GPC6: variants seen among roughly 807,000 people sequenced by gnomAD.
The protein encoded by GPC6 is glypican 6.
A neutral mutation model predicts 55.2 loss-of-function variants in GPC6; 14 were observed. The ratio of observed to expected loss-of-function variants is 0.25; its 90% confidence interval spans 0.17 to 0.40. GPC6 has a LOEUF of 0.40. GPC6 is among the 10% of genes least tolerant of loss of function. The pLI is 1.00. For synonymous variants in GPC6, 278 were observed against 259.6 expected (o/e 1.07, Z -0.68); for missense variants, 641 against 708.5 (o/e 0.90, Z 1.08).
intron 1 of GPC6, among the ~76,000 whole-genome samples, chr13:93,298,699 C>T (rs563764199): frequency 1.5e-4 from 23 of 152,046 alleles, no homozygotes; most frequent in African/African-American, 5.5e-4. Context: ...TGGCCCGCCT[C>T]AGCCTCCCAA....
intron 3 of GPC6, among the ~76,000 whole-genome samples, chr13:93,920,972 A>G (rs1236341355): frequency 6.6e-6 from 1 of 152,204 alleles, no homozygotes; most frequent in Non-Finnish European, 1.5e-5. Context: ...ATAGTTTCCA[A>G]TGCAGCCCAC....
intron 1 of GPC6, among the ~76,000 whole-genome samples, chr13:93,544,092 T>A (rs747022391): frequency 5.3e-5 from 8 of 152,070 alleles, no homozygotes; most frequent in Non-Finnish European, 1.2e-4. Flanking sequence ...GTTGTAATTG[T>A]TGGACATTTG....
intron 1 of GPC6, among the ~76,000 whole-genome samples, chr13:93,314,760 C>T (rs538186571): frequency 0.021 from 2,351 of 112,226 alleles, 65 homozygotes; most frequent in African/African-American, 0.076. Flanking sequence ...TGTGTGTGCA[C>T]GCATGTGCTG....
At chr13:93,527,847 A>G (rs995028245) in intron 1 of GPC6, among the ~76,000 whole-genome samples, 2 of 152,108 alleles carry the variant, frequency 1.3e-5, no homozygotes, top group Non-Finnish European at 2.9e-5. Context: ...GTTAGATATT[A>G]TGGAGTTCCA....
chr13:94,342,493 T>G (rs1367891055), intron 6 of GPC6, among the ~76,000 whole-genome samples: 1 of 152,110 alleles, frequency 6.6e-6, no homozygotes, highest in African/African-American at 2.4e-5. Context: ...AGCCACCAGA[T>G]GTTAGGAGAG....
At chr13:93,679,379 A>G (rs1281176928) in intron 2 of GPC6, among the ~76,000 whole-genome samples, 2 of 152,186 alleles carry the variant, frequency 1.3e-5, no homozygotes, top group Admixed American at 6.5e-5. Context: ...TACGCACCTG[A>G]ATGTAACTAA....
At chr13:94,044,110 A>C (rs1353175925) in intron 4 of GPC6, among the ~76,000 whole-genome samples, 1 of 151,778 alleles carries the variant, frequency 6.6e-6, no homozygotes, top group East Asian at 1.9e-4. Context: ...TATCCATACT[A>C]ACTTAGGGCC....
chr13:93,662,304 C>G (rs183606011), intron 2 of GPC6, among the ~76,000 whole-genome samples: 1 of 151,966 alleles, frequency 6.6e-6, no homozygotes, highest in Non-Finnish European at 1.5e-5. Flanking sequence ...AGGTAGGGAG[C>G]GGGGAGGAAA....
At chr13:93,460,192 A>G (rs1594185434) in intron 1 of GPC6, among the ~76,000 whole-genome samples, 1 of 152,158 alleles carries the variant, frequency 6.6e-6, no homozygotes, top group Admixed American at 6.5e-5. Flanking sequence ...TGTCACTGTG[A>G]TGGATTTCCT....
At chr13:94,360,663 A>G (rs1321148935) in intron 6 of GPC6, among the ~76,000 whole-genome samples, 2 of 152,182 alleles carry the variant, frequency 1.3e-5, no homozygotes, top group African/African-American at 4.8e-5. Flanking sequence ...ATTAGCATGG[A>G]CTGATAATTC....
At chr13:93,992,811 T>C (rs1186023780) in intron 3 of GPC6, among the ~76,000 whole-genome samples, 4 of 152,186 alleles carry the variant, frequency 2.6e-5, no homozygotes, top group Admixed American at 2.0e-4. Context: ...AAGGACGGTG[T>C]ATAGAAAATT....
intron 2 of GPC6, among the ~76,000 whole-genome samples, chr13:93,637,464 G>A (rs1290211646): frequency 6.6e-6 from 1 of 151,816 alleles, no homozygotes; most frequent in Non-Finnish European, 1.5e-5. Flanking sequence ...CTGGGATGTA[G>A]GTCTTTTGAA....
intron 6 of GPC6, among the ~76,000 whole-genome samples, chr13:94,341,473 C>T (rs141038287): frequency 1.3e-4 from 19 of 151,988 alleles, no homozygotes; most frequent in African/African-American, 3.9e-4. Flanking sequence ...GTAATCCCAG[C>T]TCCTTGGGAG....
chr13:94,198,937 C>T (rs989558387), intron 4 of GPC6, among the ~76,000 whole-genome samples: 5 of 152,038 alleles, frequency 3.3e-5, no homozygotes, highest in African/African-American at 1.2e-4. Context: ...TAAAATTCAC[C>T]ACCACCGACA....
chr13:93,392,568 C>T (rs1875672237), intron 1 of GPC6, among the ~76,000 whole-genome samples: 1 of 152,178 alleles, frequency 6.6e-6, no homozygotes, highest in East Asian at 1.9e-4. Context: ...CCAAAGGACC[C>T]TTAGCTTCTA....
At chr13:94,248,622 T>C (rs1306388467) in intron 4 of GPC6, among the ~76,000 whole-genome samples, 1 of 151,780 alleles carries the variant, frequency 6.6e-6, no homozygotes, top group Non-Finnish European at 1.5e-5. Context: ...GACCCTCTAG[T>C]CACCAAAAAA....
intron 4 of GPC6, among the ~76,000 whole-genome samples, chr13:94,249,456 A>G (rs533765291): frequency 1.3e-5 from 1 of 74,624 alleles, no homozygotes; most frequent in East Asian, 3.0e-4. Context: ...ATCTGTGCTT[A>G]TTTGTATGAC....
At chr13:93,979,862 A>G (rs138038021) in intron 3 of GPC6, among the ~76,000 whole-genome samples, 60 of 152,262 alleles carry the variant, frequency 3.9e-4, no homozygotes, top group African/African-American at 1.4e-3. Flanking sequence ...GCCAAGTTGT[A>G]TAGACCAGAC....
At chr13:93,890,832 T>C (rs1411864066) in intron 3 of GPC6, among the ~76,000 whole-genome samples, 1 of 151,522 alleles carries the variant, frequency 6.6e-6, no homozygotes, top group Non-Finnish European at 1.5e-5. Flanking sequence ...GTGCTAATAA[T>C]GGAGACTCAA....
Sources: allele counts gnomAD v4.1 joint callset (sites outside exome capture counted in the v4.1 genomes callset), GRCh38; gene constraint gnomAD v4.1.1; transcripts MANE v1.5; gene names NCBI Gene and HGNC (gene_info 2026-07-23, HGNC 2026-07-21).